The following ITGB6 variants were observed in gnomAD, a reference collection of about 807,000 sequenced individuals.
ITGB6 encodes integrin subunit beta 6.
A neutral mutation model predicts 84.5 loss-of-function variants in ITGB6; 80 were observed. The ratio of observed to expected loss-of-function variants is 0.95; its 90% CI spans 0.79 to 1.14. The LOEUF is 1.14. Ranked by LOEUF, ITGB6 falls within the 50% of genes most tolerant of loss-of-function variation. ITGB6 has a pLI of 0.00. For synonymous variants in ITGB6, 383 were observed against 354.9 expected (o/e 1.08, Z -0.89); for missense variants, 1,006 against 968.0 (o/e 1.04, Z -0.52).
chr2:160,182,405 T>G (rs1238355937), intron 4 of ITGB6, among the ~76,000 whole-genome samples: 1 of 152,042 alleles, frequency 6.6e-6, no homozygotes, highest in South Asian at 2.1e-4. Context: ...AGATTGAAGA[T>G]CAACTTAATG....
intron 10 of ITGB6, 48 bp downstream of exon 10, chr2:160,137,386 C>T (rs1486180050): frequency 6.5e-7 from 1 of 1,550,050 alleles, no homozygotes; most frequent in East Asian, 2.3e-5. Context: ...AAGCCCCTTG[C>T]TGATACTTGA....
In ITGB6 at chr2:160,136,888, C is replaced by A. The variant is rs369722215; in HGVS notation, c.1660+546G>T. The stretch of plus-strand genomic sequence containing the variant: ...GACACAGGAAGGGGAACATCACACA[C>A]TGGGGCCTGTTGTGGGGTGGGGGGA... On this transcript the variant is annotated intron_variant, in intron 10 of 14. Transcript: ENST00000283249. Among the ~76,000 whole-genome samples the A allele has an allele frequency of 1.6e-3, 231 of 147,528 alleles. 1 individual carries two copies. The highest frequency in any genetic ancestry group is 0.015 in the East Asian group (72 of 4,942).
At chr2:160,179,340 G>T (rs953206517) in intron 4 of ITGB6, among the ~76,000 whole-genome samples, 1 of 150,576 alleles carries the variant, frequency 6.6e-6, no homozygotes, top group Non-Finnish European at 1.5e-5. Flanking sequence ...GTTTATGTGT[G>T]TGAACATAGA....
Position 160,196,331 on chromosome 2 carries a change from G to T in ITGB6, c.231C>A (p.Asn77Lys). ...AKGCQLNFIE[N>K]PVSQVEILKN... ...TAAGTATTTCTACTTGGGAGACAGG[G>T]TTTTCGATGAAGTTTAATTGACATC... Residue 77 changes from asparagine to lysine, a missense_variant, in exon 3 of 15, where the codon AAC becomes AAA. Asn to Lys is a moderately conservative substitution (Grantham distance 94). Coordinates refer to ENST00000283249, the MANE Select transcript of ITGB6 (RefSeq NM_000888.5). 3 of 1,614,000 alleles carry T rather than the reference G, an allele frequency of 1.9e-6. No homozygotes were observed. The highest frequency in any genetic ancestry group is 2.5e-6 in the Non-Finnish European group (3 of 1,179,966).
intron 4 of ITGB6, among the ~76,000 whole-genome samples, chr2:160,177,341 C>A (rs1439999905): frequency 6.6e-6 from 1 of 151,942 alleles, no homozygotes; most frequent in African/African-American, 2.4e-5. Context: ...CCGAGGTGGG[C>A]GGATCATGAG....
chr2:160,162,513 T>C (rs184592694), intron 7 of ITGB6, among the ~76,000 whole-genome samples: 1 of 152,294 alleles, frequency 6.6e-6, no homozygotes, highest in East Asian at 1.9e-4. Flanking sequence ...TTACACAGCA[T>C]GCAACTAGAT....
intron 2 of ITGB6, among the ~76,000 whole-genome samples, chr2:160,197,901 C>T (rs1192920685): frequency 2.6e-5 from 4 of 152,234 alleles, no homozygotes; most frequent in East Asian, 3.8e-4. Flanking sequence ...CCAACTGCCT[C>T]GACTGGCATC....
intron 7 of ITGB6, among the ~76,000 whole-genome samples, chr2:160,143,856 G>A (rs1445972816): frequency 6.6e-6 from 1 of 152,172 alleles, no homozygotes. Flanking sequence ...AACACAGAAT[G>A]CATGCAGGGT....
At chr2:160,160,711 G>T (rs146939232) in intron 7 of ITGB6, among the ~76,000 whole-genome samples, 1 of 152,118 alleles carries the variant, frequency 6.6e-6, no homozygotes, top group Admixed American at 6.6e-5. Flanking sequence ...GCTATGACAC[G>T]TGGAAAATGC....
chr2:160,106,840 A>T (rs1696927607), intron 14 of ITGB6, among the ~76,000 whole-genome samples: 1 of 152,234 alleles, frequency 6.6e-6, no homozygotes, highest in African/African-American at 2.4e-5. Context: ...TGGGCGGACA[A>T]ATCCAAAGGA....
chr2:160,162,846 C>G (rs1019677866), intron 7 of ITGB6, among the ~76,000 whole-genome samples: 1 of 152,168 alleles, frequency 6.6e-6, no homozygotes, highest in African/African-American at 2.4e-5. Flanking sequence ...TCTTGAACTC[C>G]TGACCTCAGG....
rs376656229 is a variant in ITGB6 at position 160,120,966 on chromosome 2, C to T, written c.1981+2825G>A. Among the ~76,000 whole-genome samples the T allele has an allele frequency of 5.2e-3, 775 of 148,280 alleles. 13 individuals carry two copies. The highest frequency in any genetic ancestry group is 0.018 in the African/African-American group (711 of 40,086). On this transcript the variant is annotated intron_variant, in intron 12 of 14. Coordinates refer to ENST00000283249, the MANE Select transcript of ITGB6 (RefSeq NM_000888.5). ...AGGAGATATACCTAATGCTAAATGA[C>T]GAGTTAATGGGTGCAGCACACCAAC...
intron 10 of ITGB6, among the ~76,000 whole-genome samples, chr2:160,128,720 G>T (rs777018198): frequency 8.5e-5 from 13 of 152,172 alleles, no homozygotes; most frequent in Non-Finnish European, 1.9e-4. Context: ...CAGCCAGATG[G>T]ATGATGTGGC....
intron 7 of ITGB6, among the ~76,000 whole-genome samples, chr2:160,146,465 A>G (rs1684193275): frequency 6.6e-6 from 1 of 152,204 alleles, no homozygotes; most frequent in Non-Finnish European, 1.5e-5. Context: ...TTATTAACCA[A>G]CATCAATGTT....
intron 10 of ITGB6, among the ~76,000 whole-genome samples, chr2:160,135,679 C>G (rs1683682525): frequency 6.6e-6 from 1 of 151,498 alleles, no homozygotes; most frequent in Non-Finnish European, 1.5e-5. Context: ...GTAACCAAAA[C>G]AGCATGGTAC....
At chr2:160,103,202 C>G (rs998009516) in intron 14 of ITGB6, among the ~76,000 whole-genome samples, 3 of 152,132 alleles carry the variant, frequency 2.0e-5, no homozygotes, top group Non-Finnish European at 4.4e-5. Flanking sequence ...CCTTAATTGT[C>G]TTTGCTTGCT....
At chr2:160,130,149 G>A (rs1282740753) in intron 10 of ITGB6, among the ~76,000 whole-genome samples, 1 of 151,936 alleles carries the variant, frequency 6.6e-6, no homozygotes, top group African/African-American at 2.4e-5. Flanking sequence ...TACTGTGCTG[G>A]GTACTGGAGG....
chr2:160,172,619 C>T lies in ITGB6; in HGVS notation c.871G>A (p.Gly291Arg), dbSNP rs144253582. 59 of 1,611,534 alleles carry T rather than the reference C, an allele frequency of 3.7e-5. 1 individual carries two copies. Among genetic ancestry groups the T allele is most frequent in the Middle Eastern group, 3.3e-4 (2 of 6,054 alleles). ...KLAGIVIPND[G>R]LCHLDSKNEY... The stretch of plus-strand genomic sequence containing the variant: ...TTCTTGCTGTCCAAGTGACAGAGCC[C>T]GTCATTAGGAATGACGATGCCTGCT... The change falls in exon 6 of 15, where the codon GGG (glycine) becomes AGG (arginine). Residue 291 changes from glycine to arginine, a missense_variant. Gly to Arg is a moderately radical substitution (Grantham distance 125, BLOSUM62 -2). Coordinates refer to ENST00000283249, the MANE Select transcript of ITGB6 (RefSeq NM_000888.5).
chr2:160,134,158 C>A (rs1418504843), intron 10 of ITGB6, among the ~76,000 whole-genome samples: 1 of 151,982 alleles, frequency 6.6e-6, no homozygotes, highest in African/African-American at 2.4e-5. Flanking sequence ...AGACCACTAG[C>A]AAGACTAATA....
Sources: allele counts gnomAD v4.1 joint callset (sites outside exome capture counted in the v4.1 genomes callset), GRCh38; gene constraint gnomAD v4.1.1; transcripts MANE v1.5; gene names NCBI Gene and HGNC (gene_info 2026-07-23, HGNC 2026-07-21).